Variants in SNTG1 observed in about 807,000 individuals in gnomAD.
The protein encoded by SNTG1 is gamma-1-syntrophin.
SNTG1 carries 39 observed loss-of-function variants against 74.7 expected under a neutral mutation model. The observed-to-expected ratio is 0.52, with a 90% CI of 0.40 to 0.68. The LOEUF is 0.68. SNTG1 is among the 30% of genes least tolerant of loss of function. The pLI, the probability that SNTG1 is intolerant of heterozygous loss-of-function variation, is 0.00. For synonymous variants in SNTG1, 254 were observed against 217.1 expected (o/e 1.17, Z -1.49); for missense variants, 685 against 609.5 (o/e 1.12, Z -1.30).
intron 1 of SNTG1, among the ~76,000 whole-genome samples, chr8:49,971,373 A>G (rs112477184): frequency 0.023 from 3,480 of 152,224 alleles, 134 homozygotes; most frequent in African/African-American, 0.077. Context: ...ATCTCAAAAT[A>G]ATAAGAGCTA....
At chr8:50,045,734 T>C (rs1245580870) in intron 1 of SNTG1, among the ~76,000 whole-genome samples, 1 of 152,222 alleles carries the variant, frequency 6.6e-6, no homozygotes, top group African/African-American at 2.4e-5. Context: ...GGTAATTTTC[T>C]AACTTTCAAA....
At chr8:50,331,374 G>A (rs535029716) in intron 2 of SNTG1, among the ~76,000 whole-genome samples, 1 of 152,152 alleles carries the variant, frequency 6.6e-6, no homozygotes, top group Non-Finnish European at 1.5e-5. Context: ...ATGAACTTGA[G>A]ACCAAAACGA....
intron 2 of SNTG1, among the ~76,000 whole-genome samples, chr8:50,352,270 C>T (rs531843760): frequency 5.3e-5 from 8 of 152,198 alleles, no homozygotes; most frequent in Non-Finnish European, 1.0e-4. Flanking sequence ...ACTAATGTGT[C>T]CCTGTTTTAA....
chr8:50,552,366 C>CA (rs201322702), intron 11 of SNTG1, among the ~76,000 whole-genome samples: 2,258 of 152,216 alleles, frequency 0.015, 68 homozygotes, highest in African/African-American at 0.051. Context: ...TCTATGACAA[C>CA]AAAAACAAAA....
At chr8:50,733,311 T>C (rs1450403153) in intron 17 of SNTG1, among the ~76,000 whole-genome samples, 2 of 150,858 alleles carry the variant, frequency 1.3e-5, no homozygotes, top group Non-Finnish European at 3.0e-5. Context: ...AGGTACCACA[T>C]TTTTTTTTCC....
intron 3 of SNTG1, among the ~76,000 whole-genome samples, chr8:50,395,979 A>AGT (rs1309358129): frequency 6.6e-6 from 1 of 152,236 alleles, no homozygotes; most frequent in East Asian, 1.9e-4. Flanking sequence ...CAGATTGGAC[A>AGT]GTGGTCAAAT....
chr8:50,328,059 T>G (rs2090821580), intron 2 of SNTG1, among the ~76,000 whole-genome samples: 1 of 152,176 alleles, frequency 6.6e-6, no homozygotes, highest in African/African-American at 2.4e-5. Flanking sequence ...ACAAACGTTT[T>G]GCTGTTAGAT....
At chr8:50,162,714 C>T (rs934551189) in intron 1 of SNTG1, among the ~76,000 whole-genome samples, 1 of 152,108 alleles carries the variant, frequency 6.6e-6, no homozygotes, top group African/African-American at 2.4e-5. Flanking sequence ...ATTTACGTCA[C>T]ATGTGTGAAG....
chr8:50,670,389 A>T (rs1305135711), intron 15 of SNTG1, among the ~76,000 whole-genome samples: 3 of 151,946 alleles, frequency 2.0e-5, no homozygotes, highest in Non-Finnish European at 4.4e-5. Flanking sequence ...GCATTCTTAT[A>T]CACCAATAAT....
At chr8:50,143,328 A>G (rs1006917209) in intron 1 of SNTG1, among the ~76,000 whole-genome samples, 2 of 152,104 alleles carry the variant, frequency 1.3e-5, no homozygotes, top group East Asian at 3.9e-4. Flanking sequence ...GTACTACTAA[A>G]TTTTTATTGA....
chr8:50,460,882 C>T (rs1037048073), intron 8 of SNTG1, among the ~76,000 whole-genome samples: 1 of 151,936 alleles, frequency 6.6e-6, no homozygotes, highest in Admixed American at 6.6e-5. Context: ...CTAATATACC[C>T]CTCACACATA....
At chr8:49,954,684 G>C (rs1463466831) in intron 1 of SNTG1, among the ~76,000 whole-genome samples, 1 of 152,116 alleles carries the variant, frequency 6.6e-6, no homozygotes, top group Non-Finnish European at 1.5e-5. Context: ...GCCAGAGACT[G>C]ATGACAAAGC....
At chr8:50,385,683 G>C (rs1375164008) in intron 2 of SNTG1, among the ~76,000 whole-genome samples, 1 of 152,194 alleles carries the variant, frequency 6.6e-6, no homozygotes, top group Non-Finnish European at 1.5e-5. Context: ...GTATATTGCT[G>C]TCCTGGCCAG....
chr8:49,922,448 C>A (rs1339690131), intron 1 of SNTG1, among the ~76,000 whole-genome samples: 1 of 152,072 alleles, frequency 6.6e-6, no homozygotes, highest in Non-Finnish European at 1.5e-5. Context: ...ATTCCCTCAC[C>A]ACTGATGAGG....
chr8:50,093,436 A>G (rs1405293494), intron 1 of SNTG1, among the ~76,000 whole-genome samples: 1 of 152,146 alleles, frequency 6.6e-6, no homozygotes, highest in Non-Finnish European at 1.5e-5. Context: ...ATCAAGGTGC[A>G]AAAGGGCTGG....
rs756982153 is a variant in SNTG1 at position 50,542,159 on chromosome 8, G to GT, written c.680+5365dup. ...TATATGTATACTACACTTTCTTTCTGTTTTTTTTTTTTTTGAGACGGAGTT... is the reference window on the plus strand; with the variant it reads ...TATATGTATACTACACTTTCTTTCTGTTTTTTTTTTTTTTTGAGACGGAGTT... On this transcript the variant is annotated intron_variant, in intron 11 of 18. Coordinates refer to ENST00000642720, the MANE Select transcript of SNTG1 (RefSeq NM_018967.5). Among the ~76,000 whole-genome samples the GT allele has an allele frequency of 9.8e-3, 1,069 of 109,290 alleles. 8 individuals carry two copies. The highest frequency in any genetic ancestry group is 0.027 in the African/African-American group (686 of 25,142). 71.7% of individuals were successfully genotyped at this position (109,290 alleles called of 152,430 possible). A position where few individuals can be genotyped will look rare whatever the true frequency, so the allele number is the denominator to read the frequency against.
chr8:50,339,899 CA>C (rs1400978486), intron 2 of SNTG1, among the ~76,000 whole-genome samples: 1 of 151,602 alleles, frequency 6.6e-6, no homozygotes, highest in Non-Finnish European at 1.5e-5. Context: ...TAAAAATAAA[CA>C]AGAGTAAACT....
intron 18 of SNTG1, among the ~76,000 whole-genome samples, chr8:50,752,366 T>G (rs2095569729): frequency 6.6e-6 from 1 of 152,052 alleles, no homozygotes; most frequent in Admixed American, 6.6e-5. Context: ...ACTGCATTTT[T>G]GTCACACTAA....
chr8:50,513,543 T>C (rs1289081204), intron 9 of SNTG1, among the ~76,000 whole-genome samples: 2 of 152,236 alleles, frequency 1.3e-5, no homozygotes, highest in African/African-American at 2.4e-5. Context: ...GCAGGCCTCT[T>C]TGAGCTGCGG....
Sources: allele counts gnomAD v4.1 joint callset (sites outside exome capture counted in the v4.1 genomes callset), GRCh38; gene constraint gnomAD v4.1.1; transcripts MANE v1.5; gene names NCBI Gene and HGNC (gene_info 2026-07-23, HGNC 2026-07-21).